UBE4A: variants seen among roughly 807,000 people sequenced by gnomAD.
UBE4A encodes the protein ubiquitination factor E4A, also known as ubiquitin conjugation factor E4 A.
A neutral mutation model predicts 117.9 loss-of-function variants in UBE4A; 48 were observed. That is an observed-to-expected ratio of 0.41 (90% CI 0.32 to 0.52). The LOEUF (loss-of-function observed/expected upper bound fraction) is 0.52, where lower values mean the gene tolerates loss of function less well. Ranked by LOEUF, UBE4A falls within the 20% of genes least tolerant of loss-of-function variation. The pLI is 0.33. For missense variants in UBE4A, 1,067 were observed against 1,296.3 expected (o/e 0.82, Z 2.72); for synonymous variants, 407 against 450.0 (o/e 0.90, Z 1.21).
Position 118,384,876 on chromosome 11 carries a change from C to A in UBE4A, c.2343C>A (p.Pro781=), listed in dbSNP as rs980117897. 1 of 1,613,624 alleles carries A rather than the reference C, an allele frequency of 6.2e-7. No individual in the cohort carries two copies. The change falls in exon 15 of 20, where the codon CCC becomes CCA. Residue 781 remains proline (P), a synonymous_variant. Transcript: ENST00000252108. ...YASKNLEAMN[P]PLFLRFLNLL... is the part of the protein sequence containing the mutation. ...CTAAGAATTTAGAAGCCATGAATCCCCCACTTTTCCTCCGCTTTCTTAACC... is the reference window on the plus strand; with the variant it reads ...CTAAGAATTTAGAAGCCATGAATCCACCACTTTTCCTCCGCTTTCTTAACC...
chr11:118,373,340 A>G, intron 7 of UBE4A, 52 bp downstream of exon 7: 2 of 1,585,246 alleles, frequency 1.3e-6, no homozygotes, highest in Non-Finnish European at 1.7e-6. Flanking sequence ...GTAATACATG[A>G]TGCTTCCCTA....
intron 18 of UBE4A, among the ~76,000 whole-genome samples, chr11:118,391,021 C>A (rs57702967): frequency 0.17 from 25,402 of 151,814 alleles, 2,657 homozygotes; most frequent in East Asian, 0.51. Flanking sequence ...TCCTAAAAAT[C>A]CATGCAAAAA....
intron 10 of UBE4A, among the ~76,000 whole-genome samples, chr11:118,379,169 C>T (rs550863199): frequency 6.6e-6 from 1 of 152,188 alleles, no homozygotes. Flanking sequence ...CCATTCTACA[C>T]CCTACTCAAC....
At chr11:118,364,666 A>C (rs1948548566) in intron 1 of UBE4A, among the ~76,000 whole-genome samples, 1 of 152,074 alleles carries the variant, frequency 6.6e-6, no homozygotes, top group African/African-American at 2.4e-5. Flanking sequence ...TTCTTGTCTT[A>C]TTATTTTTCA....
At chr11:118,378,395 A>G (rs1555125754) in intron 10 of UBE4A, 1 of 152,212 alleles carries the variant, frequency 6.6e-6, no homozygotes, top group Non-Finnish European at 1.5e-5. Flanking sequence ...GATTCTAGAA[A>G]TGTTAAGATT....
intron 10 of UBE4A, among the ~76,000 whole-genome samples, chr11:118,377,630 G>A (rs1400456527): frequency 1.3e-5 from 2 of 150,440 alleles, no homozygotes; most frequent in Non-Finnish European, 3.0e-5. Context: ...TTTCATTACT[G>A]GCCGGGTGTG....
At chr11:118,392,985 C>T in intron 19 of UBE4A, 90 bp downstream of exon 19, 1 of 1,289,152 alleles carries the variant, frequency 7.8e-7, no homozygotes, top group Non-Finnish European at 1.1e-6. Context: ...GTACTTTGCA[C>T]CCAACACATA....
Position 118,398,148 on chromosome 11 carries a change from T to C in UBE4A, c.*1708T>C, listed in dbSNP as rs1169069098. 6.6e-6 allele frequency: 1 copy of C among 152,600 alleles called. No individual in the cohort carries two copies. The highest frequency in any genetic ancestry group is 2.4e-5 in the African/African-American group (1 of 41,430). 9.5% of individuals were successfully genotyped at this position (152,600 alleles called of 1,614,324 possible). A position where few individuals can be genotyped will look rare whatever the true frequency, so the allele number is the denominator to read the frequency against. Reference sequence around the variant, plus strand: ...CATTTATCTTCCAAACCCAATCTAGTAGGATGTTCTCATTTTAAAAACGAG... The same window carrying C: ...CATTTATCTTCCAAACCCAATCTAGCAGGATGTTCTCATTTTAAAAACGAG... On this transcript the variant is annotated 3_prime_UTR_variant, in exon 20 of 20. Coordinates refer to ENST00000252108, the MANE Select transcript of UBE4A (RefSeq NM_001204077.2).
chr11:118,373,806 C>T (rs1948628992), intron 8 of UBE4A, 121 bp downstream of exon 8: 9 of 1,210,374 alleles, frequency 7.4e-6, no homozygotes, highest in East Asian at 5.3e-5. Context: ...TTGGCTTTTA[C>T]ATCACATAAA....
At chr11:118,388,010 C>G (rs782355145) in intron 16 of UBE4A, among the ~76,000 whole-genome samples, 5 of 152,034 alleles carry the variant, frequency 3.3e-5, no homozygotes, top group Non-Finnish European at 7.4e-5. Context: ...GTTTTAAATT[C>G]CAATGGAGAG....
chr11:118,386,332 C>T (rs879958901), intron 15 of UBE4A, 106 bp from the exon 16 acceptor site: 9 of 1,191,510 alleles, frequency 7.6e-6, no homozygotes, highest in Admixed American at 5.9e-5. Context: ...CATGGTCCCT[C>T]GTTTTCCCAG....
Position 118,369,547 on chromosome 11 carries a change from A to G in UBE4A, c.408+12A>G. 6.2e-7 allele frequency: 1 copy of G among 1,606,790 alleles called. No individual in the cohort carries two copies. On this transcript the variant is annotated intron_variant, in intron 4 of 19. Coordinates refer to ENST00000252108, the MANE Select transcript of UBE4A (RefSeq NM_001204077.2). ...GCAATGTTGAGCAGGTAATATTCTT[A>G]CGTTCCTAATGTGTGCCCTTAGCAA...
At chr11:118,381,364 A>G in intron 11 of UBE4A, 27 bp from the exon 12 acceptor site, 1 of 1,613,314 alleles carries the variant, frequency 6.2e-7, no homozygotes, top group South Asian at 1.1e-5. Flanking sequence ...ATGTTTGGCT[A>G]ATTCCAGTGA....
At chr11:118,369,975 C>T (rs1379359501) in intron 4 of UBE4A, among the ~76,000 whole-genome samples, 1 of 151,822 alleles carries the variant, frequency 6.6e-6, no homozygotes, top group Non-Finnish European at 1.5e-5. Context: ...GCCTGTAGTC[C>T]CAACTACTTG....
At chr11:118,390,535 C>T (rs1948805455) in intron 17 of UBE4A, 122 bp from the exon 18 acceptor site, 1 of 424,176 alleles carries the variant, frequency 2.4e-6, no homozygotes, top group Non-Finnish European at 3.8e-6. Context: ...ATAAGTCTTT[C>T]TATATCAAAA....
chr11:118,375,306 T>G (rs112243842), intron 9 of UBE4A, 77 bp downstream of exon 9: 47,215 of 1,308,610 alleles, frequency 0.036, 967 homozygotes, highest in Non-Finnish European at 0.04. Flanking sequence ...CCTTATCCTT[T>G]TTCACAGAGT....
intron 9 of UBE4A, among the ~76,000 whole-genome samples, chr11:118,376,364 T>C (rs1400445637): frequency 6.6e-6 from 1 of 152,242 alleles, no homozygotes; most frequent in Non-Finnish European, 1.5e-5. Flanking sequence ...ATAGTAGTAT[T>C]CCTTTTAATT....
chr11:118,376,931 T>C (rs1396955245), intron 10 of UBE4A, among the ~76,000 whole-genome samples: 1 of 151,666 alleles, frequency 6.6e-6, no homozygotes, highest in Non-Finnish European at 1.5e-5. Flanking sequence ...CATATGCTTG[T>C]GGTCTTAGCT....
intron 6 of UBE4A, 110 bp downstream of exon 6, chr11:118,372,776 AG>A (rs903395216): frequency 6.7e-7 from 1 of 1,486,320 alleles, no homozygotes; most frequent in Non-Finnish European, 9.2e-7. Context: ...GTATAAATTA[AG>A]GAGGAGGGCT....
Sources: allele counts gnomAD v4.1 joint callset (sites outside exome capture counted in the v4.1 genomes callset), GRCh38; gene constraint gnomAD v4.1.1; transcripts MANE v1.5; gene names NCBI Gene and HGNC (gene_info 2026-07-23, HGNC 2026-07-21).